PPP1R14C: variants seen among roughly 807,000 people sequenced by gnomAD.
PPP1R14C encodes protein phosphatase 1 regulatory subunit 14C.
Under a neutral mutation model 20.4 loss-of-function variants are expected in PPP1R14C, and 16 were observed. That is an observed-to-expected ratio of 0.78 (90% CI 0.53 to 1.19). PPP1R14C has a LOEUF of 1.19. PPP1R14C is among the 50% of genes most tolerant of loss of function. The pLI, the probability that PPP1R14C is intolerant of heterozygous loss-of-function variation, is 0.00. For synonymous variants in PPP1R14C, 91 were observed against 91.0 expected, an observed-to-expected ratio of 1.00 and a Z score of 0.00; for missense variants, 211 against 220.1, an observed-to-expected ratio of 0.96 and a Z score of 0.26.
chr6:150,184,284 T>C (rs1339282781), intron 1 of PPP1R14C, among the ~76,000 whole-genome samples: 1 of 152,178 alleles, frequency 6.6e-6, no homozygotes, highest in African/African-American at 2.4e-5. Flanking sequence ...GTCTCCATCA[T>C]ACCACCTCCT....
chr6:150,178,543 A>T (rs1272145355), intron 1 of PPP1R14C, among the ~76,000 whole-genome samples: 1 of 152,200 alleles, frequency 6.6e-6, no homozygotes, highest in Admixed American at 6.5e-5. Flanking sequence ...TGATTTCTAG[A>T]CCTATAGACC....
intron 1 of PPP1R14C, among the ~76,000 whole-genome samples, chr6:150,163,393 AAAC>A (rs749973972): frequency 2.0e-4 from 30 of 152,160 alleles, no homozygotes; most frequent in Non-Finnish European, 2.8e-4. Context: ...TCCGTCTCAA[AAAC>A]AACAACAACA....
intron 1 of PPP1R14C, among the ~76,000 whole-genome samples, chr6:150,155,837 C>A (rs950694300): frequency 3.3e-5 from 5 of 151,490 alleles, no homozygotes; most frequent in African/African-American, 1.2e-4. Flanking sequence ...CCAGCCTGAA[C>A]AACATGGTAA....
intron 1 of PPP1R14C, among the ~76,000 whole-genome samples, chr6:150,173,725 A>G (rs1323149731): frequency 6.6e-6 from 1 of 152,168 alleles, no homozygotes; most frequent in Non-Finnish European, 1.5e-5. Flanking sequence ...TGCCGATGCC[A>G]GCCAGCGCTA....
At chr6:150,156,391 T>C (rs1777306659) in intron 1 of PPP1R14C, among the ~76,000 whole-genome samples, 3 of 152,266 alleles carry the variant, frequency 2.0e-5, no homozygotes, top group Admixed American at 2.0e-4. Flanking sequence ...TGCTAAATGA[T>C]GTTTTCACTC....
Position 150,249,464 on chromosome 6 carries a change from C to T in PPP1R14C, c.*644C>T. ...TCCGTTATTTTAATGCACTACACCA[C>T]AGAAATGTTAAGTTGGTCAAGGGCT... On this transcript the variant is annotated 3_prime_UTR_variant, in exon 4 of 4. Coordinates refer to ENST00000361131, the MANE Select transcript of PPP1R14C (RefSeq NM_030949.3). 1 of 398,630 alleles carries T rather than the reference C, an allele frequency of 2.5e-6. No individual in the cohort carries two copies. Among genetic ancestry groups the T allele is most frequent in the Admixed American group, 4.4e-5 (1 of 22,734 alleles). 24.7% of individuals were successfully genotyped at this position (398,630 alleles called of 1,614,324 possible). A position where few individuals can be genotyped will look rare whatever the true frequency, so the allele number is the denominator to read the frequency against.
chr6:150,210,266 G>A (rs752395497), intron 1 of PPP1R14C, among the ~76,000 whole-genome samples: 1 of 152,214 alleles, frequency 6.6e-6, no homozygotes, highest in Non-Finnish European at 1.5e-5. Context: ...TCAGAGCCCC[G>A]GTGTGCTCCC....
At chr6:150,235,695 C>A (rs79990646) in intron 3 of PPP1R14C, among the ~76,000 whole-genome samples, 1 of 152,146 alleles carries the variant, frequency 6.6e-6, no homozygotes, top group Admixed American at 6.5e-5. Flanking sequence ...TCCTTCCCCT[C>A]CTCTTTCTTC....
chr6:150,202,065 GC>G (rs1480808944), intron 1 of PPP1R14C, among the ~76,000 whole-genome samples: 1 of 152,212 alleles, frequency 6.6e-6, no homozygotes, highest in Non-Finnish European at 1.5e-5. Context: ...AGGCAGCTGA[GC>G]CTGTGTGCCC....
Position 150,195,004 on chromosome 6 carries a change from A to G in PPP1R14C, c.307-19740A>G, listed in dbSNP as rs1030135920. The G allele has an allele frequency of 4.9e-5, 48 of 985,052 alleles. 1 individual carries two copies. In the South Asian group the frequency reaches 2.1e-3, roughly 43 times the overall value. The allele number at this position is 985,052 out of a possible 1,614,324, so 61.0% of individuals were successfully genotyped here. ...GAATATGTGTCTGCTTTTGCTTTGT[A>G]CTTTACTTACATACCTAGAGCAGTT... On this transcript the variant is annotated intron_variant, in intron 1 of 3. Transcript: ENST00000361131.
At chr6:150,241,287 A>G (rs1258088989) in intron 3 of PPP1R14C, among the ~76,000 whole-genome samples, 2 of 152,088 alleles carry the variant, frequency 1.3e-5, no homozygotes, top group East Asian at 3.9e-4. Context: ...AGGGCACGAG[A>G]GCTCCATGCT....
At chr6:150,169,157 G>A (rs1006240817) in intron 1 of PPP1R14C, among the ~76,000 whole-genome samples, 6 of 152,310 alleles carry the variant, frequency 3.9e-5, no homozygotes, top group East Asian at 3.9e-4. Context: ...GATTACAGGC[G>A]TGAGCCACCG....
intron 1 of PPP1R14C, among the ~76,000 whole-genome samples, chr6:150,197,659 A>C (rs1777821340): frequency 6.7e-6 from 1 of 150,284 alleles, no homozygotes; most frequent in Non-Finnish European, 1.5e-5. Flanking sequence ...TGGCCATGAC[A>C]TCTGTGTCCC....
At chr6:150,206,858 TTG>T (rs1777958276) in intron 1 of PPP1R14C, among the ~76,000 whole-genome samples, 1 of 149,550 alleles carries the variant, frequency 6.7e-6, no homozygotes, top group African/African-American at 2.5e-5. Context: ...TTTTTTTTGT[TTG>T]TTTCTGTTTT....
chr6:150,180,942 C>T (rs572291564), intron 1 of PPP1R14C, among the ~76,000 whole-genome samples: 18 of 152,290 alleles, frequency 1.2e-4, no homozygotes, highest in African/African-American at 3.6e-4. Context: ...ATTCTTCTTA[C>T]AGTGCATCCA....
intron 1 of PPP1R14C, among the ~76,000 whole-genome samples, chr6:150,188,577 C>G (rs1777704808): frequency 6.8e-6 from 1 of 146,812 alleles, no homozygotes; most frequent in East Asian, 2.0e-4. Context: ...AGCTCTGCCT[C>G]CTGGGTTCAT....
chr6:150,248,930 T>G lies in PPP1R14C; in HGVS notation c.*110T>G, dbSNP rs911119936. Reference sequence around the variant, plus strand: ...TGTCCTTATGAACAACGTTTTTGTTTTTTTTTTTTTCTTTTTTGGTGTGAA... The same window carrying G: ...TGTCCTTATGAACAACGTTTTTGTTGTTTTTTTTTTCTTTTTTGGTGTGAA... On this transcript the variant is annotated 3_prime_UTR_variant, in exon 4 of 4. Coordinates refer to ENST00000361131, the MANE Select transcript of PPP1R14C (RefSeq NM_030949.3). 5.1e-5 allele frequency: 30 copies of G among 592,284 alleles called. No homozygotes were observed. The highest frequency in any genetic ancestry group is 2.3e-4 in the South Asian group (7 of 30,970). 36.7% of individuals were successfully genotyped at this position (592,284 alleles called of 1,614,324 possible).
At chr6:150,193,160 G>C (rs1293265132) in intron 1 of PPP1R14C, among the ~76,000 whole-genome samples, 1 of 152,084 alleles carries the variant, frequency 6.6e-6, no homozygotes, top group Admixed American at 6.6e-5. Flanking sequence ...CAAGACCAGT[G>C]CTTCCCAAAT....
intron 3 of PPP1R14C, among the ~76,000 whole-genome samples, chr6:150,241,981 C>A (rs1778437192): frequency 6.6e-6 from 1 of 152,154 alleles, no homozygotes; most frequent in African/African-American, 2.4e-5. Context: ...AAACCCCCCA[C>A]CCACATTTTG....
Sources: gnomAD v4.1 joint callset for allele counts (sites outside exome capture counted in the v4.1 genomes callset) on GRCh38, gnomAD v4.1.1 for gene constraint, MANE v1.5 for transcripts, NCBI Gene and HGNC (gene_info 2026-07-23, HGNC 2026-07-21) for gene names.